EP400: variants seen among roughly 807,000 people sequenced by gnomAD.
EP400 encodes E1A-binding protein p400.
EP400 carries 105 observed loss-of-function variants against 354.1 expected under a neutral mutation model. The ratio of observed to expected loss-of-function variants is 0.30; its 90% CI spans 0.25 to 0.35. EP400 has a LOEUF of 0.35. EP400 is among the 10% of genes least tolerant of loss of function. EP400 has a pLI of 1.00. For synonymous variants in EP400, 1,646 were observed against 1,716.9 expected (o/e 0.96, Z 1.02); for missense variants, 3,280 against 4,121.0 (o/e 0.80, Z 5.59).
At chr12:131,967,286 T>G (rs979541269) in intron 2 of EP400, among the ~76,000 whole-genome samples, 6 of 151,104 alleles carry the variant, frequency 4.0e-5, no homozygotes, top group Non-Finnish European at 7.4e-5. Context: ...GAGGCTGAGG[T>G]AGGAGAATTG....
intron 2 of EP400, among the ~76,000 whole-genome samples, chr12:131,965,469 T>C (rs1382139823): frequency 6.6e-6 from 1 of 152,208 alleles, no homozygotes; most frequent in African/African-American, 2.4e-5. Flanking sequence ...TCACTATCAG[T>C]ATTTATTTGC....
chr12:132,068,444 C>T (rs1895967816), intron 50 of EP400: 1 of 152,376 alleles, frequency 6.6e-6, no homozygotes, highest in Admixed American at 6.5e-5. Flanking sequence ...CTTTGTGCCA[C>T]ACCACCTGGA....
chr12:132,069,384 G>A (rs1162839250), intron 50 of EP400, 111 bp from the exon 51 acceptor site: 1 of 1,481,920 alleles, frequency 6.7e-7, no homozygotes, highest in South Asian at 1.3e-5. Flanking sequence ...GGTCTGGGAG[G>A]TAGGCTGGAA....
At chr12:131,985,851 G>A (rs757493753) in intron 5 of EP400, among the ~76,000 whole-genome samples, 2 of 152,116 alleles carry the variant, frequency 1.3e-5, no homozygotes, top group African/African-American at 2.4e-5. Flanking sequence ...CAGGTGATCC[G>A]CCCACCTCGG....
At position 132,055,146 on chromosome 12, in the gene EP400, G is replaced by A; in HGVS notation, c.7822G>A (p.Ala2608Thr). ...VIVNTIAGVP[A>T]ATFQSINKRL... ...CGTGAACACCATCGCAGGGGTCCCA[G>A]CTGCCACCTTCCAGTCCATCAACAA... The change falls in exon 45 of 53, where the codon GCT becomes ACT. Residue 2608 changes from alanine (A) to threonine (T), a missense_variant. Coordinates refer to ENST00000389561, the MANE Select transcript of EP400 (RefSeq NM_015409.5). 2 of 1,607,334 alleles carry A rather than the reference G, an allele frequency of 1.2e-6. No homozygotes were observed. Among genetic ancestry groups the A allele is most frequent in the East Asian group, 2.2e-5 (1 of 44,500 alleles).
At chr12:132,055,623 T>C (rs1331818709) in intron 45 of EP400, among the ~76,000 whole-genome samples, 1 of 105,672 alleles carries the variant, frequency 9.5e-6, no homozygotes, top group African/African-American at 4.0e-5. Flanking sequence ...GTGTAGGGGT[T>C]GTGTGTGTGA....
intron 31 of EP400, 23 bp from the exon 32 acceptor site, chr12:132,037,930 G>A (rs764265455): frequency 1.9e-6 from 3 of 1,614,002 alleles, no homozygotes; most frequent in African/African-American, 1.3e-5. Flanking sequence ...GTACTGGGGA[G>A]TAACACACAT....
chr12:131,972,725 CTTTTTTTTTTT>C (rs144441438), intron 2 of EP400, among the ~76,000 whole-genome samples: 1 of 98,100 alleles, frequency 1.0e-5, no homozygotes. Context: ...CTAACACAAC[CTTTTTTTTTTT>C]TTTTTTTTTT....
At chr12:132,028,735 G>T (rs768435936) in intron 27 of EP400, among the ~76,000 whole-genome samples, 5 of 152,144 alleles carry the variant, frequency 3.3e-5, no homozygotes, top group Non-Finnish European at 7.4e-5. Flanking sequence ...TGGGCACCCG[G>T]CCGCTCTCAA....
rs34186152 is a variant in EP400 at position 132,073,919 on chromosome 12, GTTTTTTTTTTTT to G, written c.9022-2581_9022-2570del. ...TTCCGGATTGGCATTGTTTTTTGGG[GTTTTTTTTTTTT>G]TTTTTTTTTTTTTTTGAGACGGAGG... is the stretch of plus-strand genomic sequence containing the variant. On this transcript the variant is annotated intron_variant, in intron 51 of 52. Transcript: ENST00000389561. Among the ~76,000 whole-genome samples, 125 of 82,138 alleles carry G rather than the reference GTTTTTTTTTTTT, an allele frequency of 1.5e-3. 2 individuals are homozygous for G. Among genetic ancestry groups the G allele is most frequent in the Middle Eastern group, 0.013 (1 of 80 alleles). The allele number at this position is 82,138 out of a possible 152,430, so 53.9% of individuals were successfully genotyped here. A position where few individuals can be genotyped will look rare whatever the true frequency, so the allele number is the denominator to read the frequency against.
chr12:132,020,823 TA>T (rs1894099398), intron 22 of EP400, among the ~76,000 whole-genome samples: 1 of 152,220 alleles, frequency 6.6e-6, no homozygotes, highest in Admixed American at 6.5e-5. Flanking sequence ...GGCTGACTTC[TA>T]ACAGTTTCTG....
chr12:131,959,161 T>A (rs958831787), intron 1 of EP400, among the ~76,000 whole-genome samples: 1 of 152,208 alleles, frequency 6.6e-6, no homozygotes, highest in Non-Finnish European at 1.5e-5. Flanking sequence ...GTCCATCTGC[T>A]TCCCTTGAAA....
At chr12:131,956,902 C>T (rs547148859) in intron 1 of EP400, among the ~76,000 whole-genome samples, 3 of 118,198 alleles carry the variant, frequency 2.5e-5, no homozygotes, top group Non-Finnish European at 4.9e-5. Flanking sequence ...TTAGGAGTCT[C>T]ACTCCTTTGC....
chr12:131,977,667 A>T (rs987579662), intron 2 of EP400, among the ~76,000 whole-genome samples: 2 of 152,122 alleles, frequency 1.3e-5, no homozygotes, highest in Admixed American at 1.3e-4. Flanking sequence ...TTTTCAAAAC[A>T]TTCTTTCCTT....
intron 14 of EP400, 54 bp from the exon 15 acceptor site, chr12:132,006,646 G>T: frequency 6.6e-7 from 1 of 1,517,640 alleles, no homozygotes; most frequent in South Asian, 1.3e-5. Flanking sequence ...TTGAGAAAAA[G>T]TTTGGGTGAT....
intron 48 of EP400, chr12:132,065,572 G>C (rs1895863715): frequency 1.3e-5 from 2 of 152,252 alleles, no homozygotes; most frequent in Non-Finnish European, 2.9e-5. Flanking sequence ...CATTTTACAG[G>C]TTAAGAAACT....
chr12:132,044,192 G>A lies in EP400; in HGVS notation c.6466G>A (p.Ala2156Thr), dbSNP rs1308319379. 2 of 1,614,246 alleles carry A rather than the reference G, an allele frequency of 1.2e-6. No homozygotes were observed. Among genetic ancestry groups the A allele is most frequent in the South Asian group, 2.2e-5 (2 of 91,088 alleles). ...TCCCCGTCAGGACGCAGTGATGACT[G>A]CAGTGAGGGCATGGGAGTTCTGGAA... ...ERNSEDAVMT[A>T]VRAWEFWNLK... The change falls in exon 35 of 53, where the codon GCA becomes ACA. Residue 2156 changes from alanine (A) to threonine (T), a missense_variant. Ala to Thr is a moderately conservative substitution (Grantham distance 58). Coordinates refer to ENST00000389561, the MANE Select transcript of EP400 (RefSeq NM_015409.5).
intron 2 of EP400, chr12:131,963,614 C>T: frequency 6.3e-7 from 1 of 1,598,330 alleles, no homozygotes; most frequent in Non-Finnish European, 8.5e-7. Context: ...GTTTCTGCTG[C>T]TTTTTCATCC....
intron 23 of EP400, among the ~76,000 whole-genome samples, chr12:132,022,015 A>G (rs1188688820): frequency 6.6e-6 from 1 of 152,196 alleles, no homozygotes; most frequent in Non-Finnish European, 1.5e-5. Flanking sequence ...GGTATAGCCA[A>G]ATTATGTGGA....
Sources: allele counts gnomAD v4.1 joint callset (sites outside exome capture counted in the v4.1 genomes callset), GRCh38; gene constraint gnomAD v4.1.1; transcripts MANE v1.5; gene names NCBI Gene and HGNC (gene_info 2026-07-23, HGNC 2026-07-21).